The following ZNF618 variants were observed in gnomAD, a reference collection of about 807,000 sequenced individuals.
ZNF618 encodes the protein neural precursor cell expressed, developmentally down-regulated 10.
ZNF618 carries 34 observed loss-of-function variants against 103.0 expected under a neutral mutation model. The observed-to-expected ratio is 0.33, with a 90% CI of 0.25 to 0.44. The LOEUF is 0.44. Ranked by LOEUF, ZNF618 falls within the 20% of genes least tolerant of loss-of-function variation. The pLI is 1.00. For missense variants in ZNF618, 1,059 were observed against 1,295.4 expected (o/e 0.82, Z 2.80); for synonymous variants, 551 against 542.2 (o/e 1.02, Z -0.23).
At chr9:114,038,621 C>G (rs1321307450) in intron 13 of ZNF618, among the ~76,000 whole-genome samples, 1 of 152,214 alleles carries the variant, frequency 6.6e-6, no homozygotes, top group Non-Finnish European at 1.5e-5. Flanking sequence ...AATAAACTTC[C>G]TTTCTGTGCT....
At position 113,987,363 on chromosome 9, in the gene ZNF618, G is replaced by C. The variant is rs1839581890; in HGVS notation, c.78-958G>C. On this transcript the variant is annotated intron_variant, in intron 2 of 14. Transcript: ENST00000374126. ...AGTCACAGCTCTGCTTTAGTCCTTA[G>C]TGTCCCCCTCATGAGGGACGTTGAG... 2.0e-5 allele frequency among the ~76,000 whole-genome samples: 3 copies of C among 152,164 alleles called. No homozygotes were observed. In the South Asian group the frequency reaches 6.2e-4, roughly 32 times the overall value.
At chr9:114,004,342 GC>G (rs1015012176) in intron 6 of ZNF618, among the ~76,000 whole-genome samples, 2 of 152,190 alleles carry the variant, frequency 1.3e-5, no homozygotes, top group African/African-American at 4.8e-5. Flanking sequence ...TCCTGCCCCA[GC>G]CCCAGCCTCA....
At chr9:114,000,221 C>T (rs1339977048) in intron 4 of ZNF618, among the ~76,000 whole-genome samples, 2 of 152,126 alleles carry the variant, frequency 1.3e-5, no homozygotes, top group Non-Finnish European at 2.9e-5. Flanking sequence ...CTGTGGTGTG[C>T]CAGCCGACTC....
At chr9:113,889,036 C>T (rs1829347517) in intron 1 of ZNF618, among the ~76,000 whole-genome samples, 1 of 152,210 alleles carries the variant, frequency 6.6e-6, no homozygotes, top group South Asian at 2.1e-4. Context: ...CCCACATACA[C>T]TCACCTCACT....
chr9:114,003,885 C>T (rs1337864942), intron 6 of ZNF618, among the ~76,000 whole-genome samples: 1 of 152,168 alleles, frequency 6.6e-6, no homozygotes, highest in Non-Finnish European at 1.5e-5. Flanking sequence ...GTCTCCGTCG[C>T]AAGTATTCAG....
intron 1 of ZNF618, among the ~76,000 whole-genome samples, chr9:113,924,917 C>T (rs865983375): frequency 4.0e-5 from 6 of 151,894 alleles, no homozygotes; most frequent in Middle Eastern, 3.4e-3. Flanking sequence ...CTTTTAATCT[C>T]GTTAGGGTGC....
intron 1 of ZNF618, among the ~76,000 whole-genome samples, chr9:113,951,466 T>TAG (rs1491137749): frequency 1.1e-5 from 1 of 91,068 alleles, no homozygotes; most frequent in Non-Finnish European, 2.3e-5. Context: ...TATACATATA[T>TAG]GTGTGTATGT....
At chr9:113,931,261 A>G (rs893836829) in intron 1 of ZNF618, among the ~76,000 whole-genome samples, 1 of 152,208 alleles carries the variant, frequency 6.6e-6, no homozygotes, top group Non-Finnish European at 1.5e-5. Flanking sequence ...TAGAGGCATG[A>G]GGTGGTCCCT....
At chr9:113,889,347 T>TCTCTCTCTC (rs1477289947) in intron 1 of ZNF618, among the ~76,000 whole-genome samples, 23 of 104,208 alleles carry the variant, frequency 2.2e-4, no homozygotes, top group African/African-American at 5.6e-4. Flanking sequence ...CTCTCTCTCT[T>TCTCTCTCTC]TCTCTCCCTC....
chr9:113,933,938 A>G (rs922974901), intron 1 of ZNF618, among the ~76,000 whole-genome samples: 7 of 151,928 alleles, frequency 4.6e-5, no homozygotes, highest in African/African-American at 1.7e-4. Context: ...AGGAGACAGG[A>G]TGCTTGAAAT....
Position 114,049,507 on chromosome 9 carries a change from G to A in ZNF618, c.2205G>A (p.Leu735=). 6.2e-7 allele frequency: 1 copy of A among 1,613,570 alleles called. No individual in the cohort carries two copies. Among genetic ancestry groups the A allele is most frequent in the Non-Finnish European group, 8.5e-7 (1 of 1,179,726 alleles). ...TCAACAAGCACCTGCTCAGCAACCTGGCGGCCATCCTGACGCCGGTGAAGC... is the reference window on the plus strand; with the variant it reads ...TCAACAAGCACCTGCTCAGCAACCTAGCGGCCATCCTGACGCCGGTGAAGC... ...QSLNKHLLSN[L]AAILTPVKQA... The change falls in exon 15 of 15, where the codon CTG becomes CTA. Residue 735 remains leucine, a synonymous_variant. Transcript: ENST00000374126.
At chr9:113,915,860 G>A (rs573934377) in intron 1 of ZNF618, among the ~76,000 whole-genome samples, 1 of 152,274 alleles carries the variant, frequency 6.6e-6, no homozygotes, top group African/African-American at 2.4e-5. Context: ...TCCCCATGAG[G>A]GCACAGCCTG....
intron 9 of ZNF618, 125 bp downstream of exon 9, chr9:114,008,679 A>G: frequency 9.0e-7 from 1 of 1,116,908 alleles, no homozygotes; most frequent in Non-Finnish European, 1.3e-6. Flanking sequence ...AATGGTGCCC[A>G]ACCTGTCAGT....
chr9:113,890,375 A>G (rs1019614479), intron 1 of ZNF618, among the ~76,000 whole-genome samples: 1 of 152,208 alleles, frequency 6.6e-6, no homozygotes, highest in Non-Finnish European at 1.5e-5. Flanking sequence ...ATTATATTCC[A>G]TGCTGTTCTG....
At chr9:113,973,724 A>T (rs1451498449) in intron 2 of ZNF618, among the ~76,000 whole-genome samples, 3 of 152,250 alleles carry the variant, frequency 2.0e-5, no homozygotes, top group Non-Finnish European at 4.4e-5. Context: ...TTTTGTAATC[A>T]AGTAAATGCA....
intron 1 of ZNF618, among the ~76,000 whole-genome samples, chr9:113,962,395 CTCCTT>C (rs1463371983): frequency 2.0e-5 from 3 of 152,192 alleles, no homozygotes; most frequent in African/African-American, 7.2e-5. Flanking sequence ...GCCTCATGGT[CTCCTT>C]TCAACACAGC....
In ZNF618 at chr9:113,980,440, TA is replaced by T. The variant is rs777117294; in HGVS notation, c.78-7880del. Reference sequence around the variant, plus strand: ...GATTCAACACCATGTAGTTAATATTTAGAACTAAAGAGTCTAGCTGTATAGT... The same window carrying T: ...GATTCAACACCATGTAGTTAATATTTGAACTAAAGAGTCTAGCTGTATAGT... On this transcript the variant is annotated intron_variant, in intron 2 of 14. Coordinates refer to ENST00000374126, the MANE Select transcript of ZNF618 (RefSeq NM_001318042.2). Among the ~76,000 whole-genome samples the T allele has an allele frequency of 3.9e-5, 6 of 152,024 alleles. 1 individual carries two copies. The East Asian group carries it at 1.2e-3, about 29-fold the overall frequency.
chr9:113,977,744 C>G (rs577638552), intron 2 of ZNF618, among the ~76,000 whole-genome samples: 1 of 152,284 alleles, frequency 6.6e-6, no homozygotes, highest in Admixed American at 6.5e-5. Context: ...CCTGGGCAAC[C>G]TTCCACATGC....
chr9:113,949,801 C>A (rs746026357), intron 1 of ZNF618, among the ~76,000 whole-genome samples: 1 of 152,220 alleles, frequency 6.6e-6, no homozygotes, highest in Non-Finnish European at 1.5e-5. Context: ...TTTCTAGGAT[C>A]GTTTCCTGAT....
Sources: gnomAD v4.1 joint callset for allele counts (sites outside exome capture counted in the v4.1 genomes callset) on GRCh38, gnomAD v4.1.1 for gene constraint, MANE v1.5 for transcripts, NCBI Gene and HGNC (gene_info 2026-07-23, HGNC 2026-07-21) for gene names.